Variants in NEDD9 observed in about 807,000 individuals in gnomAD.
NEDD9 encodes neural precursor cell expressed, developmentally down-regulated 9.
A neutral mutation model predicts 76.6 loss-of-function variants in NEDD9; 26 were observed. The ratio of observed to expected loss-of-function variants is 0.34; its 90% CI spans 0.25 to 0.47. The LOEUF is 0.47. Ranked by LOEUF, NEDD9 falls within the 20% of genes least tolerant of loss-of-function variation. The pLI, the probability that NEDD9 is intolerant of heterozygous loss-of-function variation, is 1.00. For synonymous variants in NEDD9, 392 were observed against 414.2 expected (o/e 0.95, Z 0.65); for missense variants, 937 against 1,058.5 (o/e 0.89, Z 1.59).
chr6:11,328,800 T>A (rs1398168481), intron 2 of NEDD9: 1 of 152,222 alleles, frequency 6.6e-6, no homozygotes, highest in Non-Finnish European at 1.5e-5. Context: ...TCCCCTGGAA[T>A]GGTTGAGTCA....
chr6:11,219,036 TCAAA>T (rs963470185), intron 1 of NEDD9, among the ~76,000 whole-genome samples: 1 of 152,148 alleles, frequency 6.6e-6, no homozygotes, highest in African/African-American at 2.4e-5. Context: ...AGAGCACCAT[TCAAA>T]CACTTTGCCA....
chr6:11,185,714 G>A (rs1757964042), intron 6 of NEDD9, 43 bp from the exon 7 acceptor site: 4 of 1,602,150 alleles, frequency 2.5e-6, no homozygotes, highest in African/African-American at 2.7e-5. Flanking sequence ...GCAAGGGAGT[G>A]TGTTGCAATG....
At position 11,370,182 on chromosome 6, in the gene NEDD9, A is replaced by T. The variant is rs79714983; in HGVS notation, c.-214+11957T>A. Among the ~76,000 whole-genome samples the T allele has an allele frequency of 8.0e-4, 12 of 15,058 alleles. No homozygotes were observed. The African/African-American group carries it at 8.7e-3, about 11-fold the overall frequency. The allele number at this position is 15,058 out of a possible 152,430, so 9.9% of individuals were successfully genotyped here. A position where few individuals can be genotyped will look rare whatever the true frequency, so the allele number is the denominator to read the frequency against. Reference sequence around the variant, plus strand: ...TGCTAAATCATGCTTGTGGGAACCCAAGGAGGCCAGCCCCTGAATCACAGG... The same window carrying T: ...TGCTAAATCATGCTTGTGGGAACCCTAGGAGGCCAGCCCCTGAATCACAGG... On this transcript the variant is annotated intron_variant, in intron 1 of 3. Coordinates refer to the NEDD9 transcript ENST00000397378. This position sits in a 1 kb window ranked among gnomAD's most constrained non-coding sequence, Gnocchi z 4.2.
intron 3 of NEDD9, among the ~76,000 whole-genome samples, chr6:11,297,211 A>G (rs1760921846): frequency 6.6e-6 from 1 of 151,480 alleles, no homozygotes; most frequent in Admixed American, 6.6e-5. Flanking sequence ...GCAATGGTAA[A>G]TGTTTAACTA....
chr6:11,356,516 A>C lies in NEDD9; in HGVS notation c.-213-21955T>G, dbSNP rs1762578145. ...GACACCATGTTCCCATACATCTTAAATTTTCCGTGCATCAGGAAAGCTTGT... is the reference window on the plus strand; with the variant it reads ...GACACCATGTTCCCATACATCTTAACTTTTCCGTGCATCAGGAAAGCTTGT... On this transcript the variant is annotated intron_variant, in intron 1 of 3. Transcript: ENST00000397378. 2.0e-5 allele frequency among the ~76,000 whole-genome samples: 3 copies of C among 152,242 alleles called. No homozygotes were observed. The South Asian group carries it at 6.2e-4, about 32-fold the overall frequency.
intron 1 of NEDD9, among the ~76,000 whole-genome samples, chr6:11,345,921 G>A (rs545341066): frequency 7.2e-5 from 11 of 152,138 alleles, no homozygotes; most frequent in South Asian, 2.1e-4. Context: ...GTTGTTCCTC[G>A]AACACAACTT....
At chr6:11,259,298 TC>T (rs1172014472) in intron 3 of NEDD9, among the ~76,000 whole-genome samples, 2 of 152,208 alleles carry the variant, frequency 1.3e-5, no homozygotes, top group Non-Finnish European at 2.9e-5. Flanking sequence ...ACCTTTCGCT[TC>T]CAAAGGCCAA....
At chr6:11,318,750 T>C (rs923094360) in intron 2 of NEDD9, among the ~76,000 whole-genome samples, 9 of 152,198 alleles carry the variant, frequency 5.9e-5, no homozygotes, top group Admixed American at 2.0e-4. Flanking sequence ...CTTTGAAATA[T>C]GTCCTGTAGG....
intron 1 of NEDD9, among the ~76,000 whole-genome samples, chr6:11,375,383 T>C (rs1450215541): frequency 6.6e-6 from 1 of 152,230 alleles, no homozygotes; most frequent in Non-Finnish European, 1.5e-5. Flanking sequence ...TGTCTATGCA[T>C]ACACTTAGAC....
chr6:11,306,241 C>T, intron 2 of NEDD9: 2 of 558,914 alleles, frequency 3.6e-6, no homozygotes, highest in Non-Finnish European at 6.4e-6. Flanking sequence ...TGCATCATAG[C>T]AGCTGGAAAA....
In NEDD9 at chr6:11,213,725, A is replaced by G. The variant is rs1758859586; in HGVS notation, c.15T>C (p.Asn5=). 1 of 1,613,168 alleles carries G rather than the reference A, an allele frequency of 6.2e-7. No individual in the cohort carries two copies. The highest frequency in any genetic ancestry group is 8.5e-7 in the Non-Finnish European group (1 of 1,179,226). Residue 5 remains asparagine (N), a splice_region_variant and synonymous_variant, in exon 2 of 7, where the codon AAT becomes AAC. Transcript: ENST00000379446. This position sits in a 1 kb window ranked among gnomAD's most constrained non-coding sequence, Gnocchi z 5.4. ...TGTCATATAAGGCCCTTGCCATAAG[A>G]TTCTAGGAGGGAAGGAAGAGAAGGA... The part of the protein sequence containing the change: MKYK[N]LMARALYDNV...
rs986656932 is a variant in NEDD9 at position 11,185,072 on chromosome 6, C to CA, written c.*89dup. 1.7e-5 allele frequency: 23 copies of CA among 1,382,932 alleles called. No individual in the cohort carries two copies. Among genetic ancestry groups the CA allele is most frequent in the Non-Finnish European group, 2.1e-5 (22 of 1,028,402 alleles). 85.7% of individuals were successfully genotyped at this position (1,382,932 alleles called of 1,614,324 possible). A position where few individuals can be genotyped will look rare whatever the true frequency, so the allele number is the denominator to read the frequency against. On this transcript the variant is annotated 3_prime_UTR_variant, in exon 7 of 7. Transcript: ENST00000379446. The stretch of plus-strand genomic sequence containing the variant: ...ATTTCATTTTTATATAAAATATCTA[C>CA]AAAAATAGATAACATTTACAAAAAC...
At position 11,192,405 on chromosome 6, in the gene NEDD9, A is replaced by G; in HGVS notation, c.603T>C (p.Phe201=). ...IPPSSAKGPV[F]SVPVGEIKPQ... Reference sequence around the variant, plus strand: ...GTTTTATCTCTCCCACTGGAACTGAAAACACAGGGCCTTTTGCTGATGAGG... The same window carrying G: ...GTTTTATCTCTCCCACTGGAACTGAGAACACAGGGCCTTTTGCTGATGAGG... The change falls in exon 4 of 7, where the codon TTT becomes TTC. Residue 201 remains phenylalanine, a synonymous_variant. Transcript: ENST00000379446. The G allele has an allele frequency of 6.2e-7, 1 of 1,609,378 alleles. No homozygotes were observed. The highest frequency in any genetic ancestry group is 2.2e-5 in the East Asian group (1 of 44,678).
intron 1 of NEDD9, among the ~76,000 whole-genome samples, chr6:11,347,457 G>C (rs1335791421): frequency 6.6e-6 from 1 of 152,108 alleles, no homozygotes; most frequent in African/African-American, 2.4e-5. Flanking sequence ...AAACCTGGCA[G>C]AGACACAACA....
At chr6:11,305,473 G>T in intron 3 of NEDD9, 1 of 206,832 alleles carries the variant, frequency 4.8e-6, no homozygotes, top group Non-Finnish European at 1.0e-5. Context: ...TTCTTCTACT[G>T]AATTTTCATA....
intron 3 of NEDD9, among the ~76,000 whole-genome samples, chr6:11,296,820 C>A (rs535672820): frequency 1.3e-5 from 2 of 152,178 alleles, no homozygotes; most frequent in East Asian, 3.9e-4. Flanking sequence ...CCTTCACCTC[C>A]TGGGTTCAAG....
chr6:11,186,583 C>T (rs574797213), intron 6 of NEDD9, among the ~76,000 whole-genome samples: 8 of 152,296 alleles, frequency 5.3e-5, no homozygotes, highest in Non-Finnish European at 8.8e-5. Context: ...CCCAGCTTCC[C>T]CAGCTTCTCT....
intron 1 of NEDD9, among the ~76,000 whole-genome samples, chr6:11,224,544 C>A (rs1176711410): frequency 6.6e-6 from 1 of 152,086 alleles, no homozygotes; most frequent in Non-Finnish European, 1.5e-5. Flanking sequence ...GACTGTACCA[C>A]AGGTCCACGA....
chr6:11,204,352 G>C (rs1040994695), intron 2 of NEDD9, among the ~76,000 whole-genome samples: 5 of 152,204 alleles, frequency 3.3e-5, no homozygotes, highest in Non-Finnish European at 7.3e-5. Context: ...TGAAAGCTGG[G>C]TAACTTGTGT....
Sources: allele counts gnomAD v4.1 joint callset (sites outside exome capture counted in the v4.1 genomes callset), GRCh38; gene constraint gnomAD v4.1.1; non-coding constraint Gnocchi (gnomAD v3.1); transcripts MANE v1.5; gene names NCBI Gene and HGNC (gene_info 2026-07-23, HGNC 2026-07-21).